ARAP2: variants seen among roughly 807,000 people sequenced by gnomAD.
The protein encoded by ARAP2 is arf-GAP with Rho-GAP domain, ANK repeat and PH domain-containing protein 2.
A neutral mutation model predicts 194.5 loss-of-function variants in ARAP2; 148 were observed. The observed-to-expected ratio is 0.76, with a 90% CI of 0.67 to 0.87. The LOEUF (loss-of-function observed/expected upper bound fraction) is 0.87. Ranked by LOEUF, ARAP2 falls within the 40% of genes least tolerant of loss-of-function variation. The pLI is 0.00. For missense variants in ARAP2, 2,128 were observed against 1,989.7 expected (o/e 1.07, Z -1.32); for synonymous variants, 695 against 683.5 (o/e 1.02, Z -0.26).
intron 6 of ARAP2, among the ~76,000 whole-genome samples, chr4:36,201,320 A>T (rs551339975): frequency 3.4e-4 from 52 of 152,362 alleles, no homozygotes; most frequent in African/African-American, 1.3e-3. Context: ...AGCAGACATT[A>T]GTACATTTTA....
At chr4:36,119,881 G>C (rs1046292365) in intron 23 of ARAP2, among the ~76,000 whole-genome samples, 163 bp from the exon 24 acceptor site, 1 of 151,406 alleles carries the variant, frequency 6.6e-6, no homozygotes, top group Non-Finnish European at 1.5e-5. Flanking sequence ...TGGAAACAAA[G>C]CCAACAAGAT....
intron 27 of ARAP2, among the ~76,000 whole-genome samples, chr4:36,100,395 A>G (rs1716539862): frequency 6.6e-6 from 1 of 152,014 alleles, no homozygotes; most frequent in Non-Finnish European, 1.5e-5. Flanking sequence ...GCTGTGCCTT[A>G]TCTTAAAAAA....
chr4:36,178,536 A>G (rs2109854358), intron 8 of ARAP2, among the ~76,000 whole-genome samples: 1 of 152,298 alleles, frequency 6.6e-6, no homozygotes, highest in Middle Eastern at 3.4e-3. Flanking sequence ...ACCACAGTAA[A>G]TAACAATAGC....
intron 31 of ARAP2, among the ~76,000 whole-genome samples, chr4:36,076,216 C>T (rs1162162344): frequency 6.6e-6 from 1 of 152,120 alleles, no homozygotes; most frequent in Admixed American, 6.6e-5. Context: ...AAATGTGCCA[C>T]AGTCTCTGCT....
intron 5 of ARAP2, among the ~76,000 whole-genome samples, chr4:36,025,321 T>C (rs1195445244): frequency 6.6e-6 from 1 of 152,180 alleles, no homozygotes; most frequent in Non-Finnish European, 1.5e-5. Context: ...GTTCTTTTTC[T>C]TTTTAAAGCA....
chr4:36,153,021 T>C (rs1560541111), intron 15 of ARAP2, among the ~76,000 whole-genome samples: 1 of 152,186 alleles, frequency 6.6e-6, no homozygotes, highest in Non-Finnish European at 1.5e-5. Context: ...GAATTAAGCA[T>C]AACATAAATG....
At chr4:36,228,307 T>A (rs1015464575) in intron 2 of ARAP2, among the ~76,000 whole-genome samples, 5 of 152,106 alleles carry the variant, frequency 3.3e-5, no homozygotes, top group African/African-American at 1.2e-4. Context: ...GTGTGGAAAC[T>A]TGGTATGGAA....
downstream of ARAP2, among the ~76,000 whole-genome samples, chr4:36,063,601 GC>G (rs1724835190): frequency 6.6e-6 from 1 of 152,082 alleles, no homozygotes; most frequent in South Asian, 2.1e-4. Context: ...TCCTCTTCCT[GC>G]TACCCTAAAC....
intron 5 of ARAP2, among the ~76,000 whole-genome samples, chr4:36,038,986 T>A (rs1720384572): frequency 6.6e-6 from 1 of 152,234 alleles, no homozygotes. Flanking sequence ...ATAATGTGGC[T>A]AAATGCCTTT....
chr4:36,059,196 T>C, intron 1 of ARAP2, among the ~76,000 whole-genome samples: 1 of 152,162 alleles, frequency 6.6e-6, no homozygotes, highest in Non-Finnish European at 1.5e-5. Context: ...AAATGCAACA[T>C]GACATTGATA....
At chr4:36,089,529 G>C (rs1712950232) in intron 28 of ARAP2, among the ~76,000 whole-genome samples, 1 of 152,068 alleles carries the variant, frequency 6.6e-6, no homozygotes, top group Non-Finnish European at 1.5e-5. Context: ...CAGAGTGATT[G>C]TGTGATTTTA....
intron 6 of ARAP2, among the ~76,000 whole-genome samples, chr4:36,017,563 G>GAAAAAAAAA (rs1560270898): frequency 1.4e-3 from 9 of 6,506 alleles, no homozygotes; most frequent in East Asian, 4.1e-3. Flanking sequence ...TAAGAAAGTG[G>GAAAAAAAAA]TAAAAAAAAA....
chr4:36,181,124 T>G (rs1261955234), intron 8 of ARAP2, among the ~76,000 whole-genome samples: 1 of 152,206 alleles, frequency 6.6e-6, no homozygotes, highest in Non-Finnish European at 1.5e-5. Flanking sequence ...TTCTTATTCT[T>G]ACCGATAACA....
chr4:36,088,126 C>A (rs1015876713), intron 28 of ARAP2, among the ~76,000 whole-genome samples: 1 of 152,082 alleles, frequency 6.6e-6, no homozygotes, highest in Admixed American at 6.6e-5. Context: ...TTTTTAGCAA[C>A]CTTCTGTTGC....
At chr4:36,164,223 G>C (rs1360392622) in intron 11 of ARAP2, among the ~76,000 whole-genome samples, 3 of 152,112 alleles carry the variant, frequency 2.0e-5, no homozygotes, top group Non-Finnish European at 2.9e-5. Flanking sequence ...TGTACATACA[G>C]TGGGGGAGAA....
At chr4:36,149,609 T>G (rs1441813896) in intron 16 of ARAP2, among the ~76,000 whole-genome samples, 2 of 152,218 alleles carry the variant, frequency 1.3e-5, no homozygotes, top group Non-Finnish European at 2.9e-5. Flanking sequence ...CATATTAATA[T>G]GCTGATATAA....
downstream of ARAP2, among the ~76,000 whole-genome samples, chr4:36,064,177 G>A (rs1297811057): frequency 7.0e-6 from 1 of 143,470 alleles, no homozygotes; most frequent in East Asian, 2.0e-4. Flanking sequence ...TGAGCACTTT[G>A]AGTGCTTTGC....
chr4:36,037,738 C>G (rs1257253297), intron 5 of ARAP2, among the ~76,000 whole-genome samples: 1 of 152,098 alleles, frequency 6.6e-6, no homozygotes, highest in Non-Finnish European at 1.5e-5. Context: ...CTGTGCTAAT[C>G]AATCCCTCAT....
intron 5 of ARAP2, among the ~76,000 whole-genome samples, chr4:36,021,531 G>T (rs1351805925): frequency 6.6e-6 from 1 of 152,128 alleles, no homozygotes; most frequent in Non-Finnish European, 1.5e-5. Flanking sequence ...CTTCACTCCT[G>T]ATTTTACCAT....
Sources: allele counts gnomAD v4.1 joint callset (sites outside exome capture counted in the v4.1 genomes callset), GRCh38; gene constraint gnomAD v4.1.1; transcripts MANE v1.5; gene names NCBI Gene and HGNC (gene_info 2026-07-23, HGNC 2026-07-21).